Variants in KCNIP4 observed in about 807,000 individuals in gnomAD.
The protein encoded by KCNIP4 is potassium voltage-gated channel interacting protein 4.
A neutral mutation model predicts 34.0 loss-of-function variants in KCNIP4; 12 were observed. The observed-to-expected ratio is 0.35, with a 90% CI of 0.23 to 0.57. The LOEUF is 0.57. Among genes scored for constraint, KCNIP4 ranks in the 20% least tolerant of loss-of-function variants. The pLI is 0.83. For missense variants in KCNIP4, 238 were observed against 311.7 expected, an observed-to-expected ratio of 0.76 and a Z score of 1.78; for synonymous variants, 124 against 102.2, an observed-to-expected ratio of 1.21 and a Z score of -1.29.
At chr4:20,772,758 C>T (rs1296318301) in intron 3 of KCNIP4, among the ~76,000 whole-genome samples, 2 of 152,072 alleles carry the variant, frequency 1.3e-5, no homozygotes, top group Non-Finnish European at 2.9e-5. Flanking sequence ...TCTTCAGCCT[C>T]AGCCTCCTGA....
At chr4:21,480,110 AT>A in intron 1 of KCNIP4, among the ~76,000 whole-genome samples, 1 of 151,818 alleles carries the variant, frequency 6.6e-6, no homozygotes, top group African/African-American at 2.4e-5. Context: ...GAAAACCTAC[AT>A]AAATACTGTA....
intron 1 of KCNIP4, among the ~76,000 whole-genome samples, chr4:21,207,830 C>CTT (rs1756950803): frequency 1.4e-5 from 2 of 146,132 alleles, no homozygotes; most frequent in African/African-American, 5.1e-5. Context: ...TTTTTTTCTC[C>CTT]TTTTTTCTTT....
intron 1 of KCNIP4, among the ~76,000 whole-genome samples, chr4:21,607,339 T>C (rs1005088749): frequency 2.6e-5 from 4 of 152,124 alleles, no homozygotes; most frequent in African/African-American, 9.7e-5. Context: ...AAGTACTCAA[T>C]TAAAATGAAC....
intron 1 of KCNIP4, among the ~76,000 whole-genome samples, chr4:21,416,980 T>C (rs887555327): frequency 6.6e-6 from 1 of 152,200 alleles, no homozygotes; most frequent in African/African-American, 2.4e-5. Flanking sequence ...TTGTGTTCTC[T>C]TAAAGATAAA....
At chr4:21,040,127 A>G (rs951671738) in intron 1 of KCNIP4, among the ~76,000 whole-genome samples, 3 of 152,124 alleles carry the variant, frequency 2.0e-5, no homozygotes, top group Non-Finnish European at 4.4e-5. Context: ...CCATGATCCA[A>G]TCACCTCCTA....
chr4:21,451,845 C>T (rs1728531667), intron 1 of KCNIP4, among the ~76,000 whole-genome samples: 1 of 152,094 alleles, frequency 6.6e-6, no homozygotes. Context: ...AGTCCATTTT[C>T]AAGCCCAAAG....
At chr4:21,068,776 T>G (rs137939954) in intron 1 of KCNIP4, among the ~76,000 whole-genome samples, 3,204 of 152,312 alleles carry the variant, frequency 0.021, 47 homozygotes, top group Middle Eastern at 0.034. Context: ...TTTATTTGTT[T>G]ATTGTCTAGC....
At chr4:21,348,144 T>C (rs1216769068) in intron 1 of KCNIP4, among the ~76,000 whole-genome samples, 1 of 152,054 alleles carries the variant, frequency 6.6e-6, no homozygotes, top group South Asian at 2.1e-4. Flanking sequence ...ATTTCAGGAG[T>C]ATTGAGCTTG....
At chr4:21,459,058 CCAT>C (rs1729220218) in intron 1 of KCNIP4, among the ~76,000 whole-genome samples, 1 of 151,912 alleles carries the variant, frequency 6.6e-6, no homozygotes, top group Non-Finnish European at 1.5e-5. Context: ...TATCTTTTAA[CCAT>C]CATCATCATT....
In KCNIP4 at chr4:20,851,410, C is replaced by T. The variant is rs190438787; in HGVS notation, c.164-743G>A. Among the ~76,000 whole-genome samples, 132 of 152,302 alleles carry T rather than the reference C, an allele frequency of 8.7e-4. 1 individual carries two copies. Among genetic ancestry groups the T allele is most frequent in the African/African-American group, 3.0e-3 (124 of 41,568 alleles). On this transcript the variant is annotated intron_variant, in intron 2 of 8. Transcript: ENST00000382152. ...AGTATTCCATGGTGTATATGTACCACATTTTCTTTATCCAGTCTATCATTG... is the reference window on the plus strand; with the variant it reads ...AGTATTCCATGGTGTATATGTACCATATTTTCTTTATCCAGTCTATCATTG...
chr4:21,605,678 A>C (rs1743588972), intron 1 of KCNIP4, among the ~76,000 whole-genome samples: 1 of 151,948 alleles, frequency 6.6e-6, no homozygotes, highest in Non-Finnish European at 1.5e-5. Flanking sequence ...ATGGGGTTTC[A>C]CCATGTTGGC....
At chr4:21,809,829 C>T (rs1427018453) in intron 1 of KCNIP4, among the ~76,000 whole-genome samples, 1 of 152,174 alleles carries the variant, frequency 6.6e-6, no homozygotes, top group African/African-American at 2.4e-5. Context: ...GCATCTCTGA[C>T]AGGTCAGACT....
chr4:21,715,671 T>C (rs773109510), intron 1 of KCNIP4, among the ~76,000 whole-genome samples: 4 of 152,192 alleles, frequency 2.6e-5, no homozygotes, highest in Non-Finnish European at 4.4e-5. Context: ...AGCTTTCTTA[T>C]ACTGAGCCAA....
chr4:21,697,898 T>C (rs1351414540), intron 1 of KCNIP4: 1 of 154,948 alleles, frequency 6.5e-6, no homozygotes, highest in Non-Finnish European at 1.4e-5. Context: ...CCGATACCAA[T>C]AAAGGGAACC....
At chr4:21,722,773 CT>C (rs949204063) in intron 1 of KCNIP4, among the ~76,000 whole-genome samples, 4 of 152,108 alleles carry the variant, frequency 2.6e-5, no homozygotes, top group African/African-American at 9.7e-5. Context: ...TGTATTATTG[CT>C]GCCATTTTAC....
At chr4:20,936,055 C>A (rs1240649306) in intron 1 of KCNIP4, among the ~76,000 whole-genome samples, 1 of 151,436 alleles carries the variant, frequency 6.6e-6, no homozygotes, top group Non-Finnish European at 1.5e-5. Context: ...TTCTTTCCTG[C>A]AGGATTCTTA....
At chr4:20,735,808 T>TA (rs1330693737) in intron 5 of KCNIP4, among the ~76,000 whole-genome samples, 4 of 152,066 alleles carry the variant, frequency 2.6e-5, no homozygotes, top group Non-Finnish European at 4.4e-5. Context: ...GTGCTGGGAT[T>TA]ACAGGCGTGA....
chr4:21,810,615 G>A (rs547363024), intron 1 of KCNIP4, among the ~76,000 whole-genome samples: 50 of 150,330 alleles, frequency 3.3e-4, no homozygotes, highest in African/African-American at 9.6e-4. Flanking sequence ...GCATAAACCC[G>A]GGAGGCGGAG....
intron 1 of KCNIP4, among the ~76,000 whole-genome samples, chr4:21,387,215 A>G (rs1424305857): frequency 6.6e-6 from 1 of 152,154 alleles, no homozygotes; most frequent in African/African-American, 2.4e-5. Context: ...TATTGTGTTT[A>G]TTGTGTATAG....
Sources: gnomAD v4.1 joint callset for allele counts (sites outside exome capture counted in the v4.1 genomes callset) on GRCh38, gnomAD v4.1.1 for gene constraint, MANE v1.5 for transcripts, NCBI Gene and HGNC (gene_info 2026-07-23, HGNC 2026-07-21) for gene names.